RBFOX1: variants seen among roughly 807,000 people sequenced by gnomAD.
The protein encoded by RBFOX1 is RNA binding protein fox-1 homolog 1.
In RBFOX1, 8 loss-of-function variants were observed where a neutral mutation model predicts 57.7. That is an observed-to-expected ratio of 0.14 (90% CI 0.08 to 0.25). RBFOX1 has a LOEUF of 0.25. Ranked by LOEUF, RBFOX1 falls within the 10% of genes least tolerant of loss-of-function variation. The pLI, the probability that RBFOX1 is intolerant of heterozygous loss-of-function variation, is 1.00. For missense variants in RBFOX1, 611 were observed against 548.5 expected (o/e 1.11, Z -1.14); for synonymous variants, 326 against 222.4 (o/e 1.47, Z -4.15).
At chr16:7,070,473 C>T (rs1363716798) in intron 4 of RBFOX1, among the ~76,000 whole-genome samples, 6 of 152,228 alleles carry the variant, frequency 3.9e-5, no homozygotes, top group South Asian at 4.1e-4. Flanking sequence ...GTGTTATTTT[C>T]AGGGGTTGTA....
rs35528338 is a variant in RBFOX1 at position 6,173,604 on chromosome 16, C to CTTTTTTTTTTTTTTTTTTTTTTTT, written c.-126-143368_-126-143367insTTTTTTTTTTTTTTTTTTTTTTTT. Among the ~76,000 whole-genome samples the CTTTTTTTTTTTTTTTTTTTTTTTT allele has an allele frequency of 4.2e-5, 3 of 70,950 alleles. 1 individual carries two copies. The highest frequency in any genetic ancestry group is 7.3e-5 in the Non-Finnish European group (3 of 41,244). The allele number at this position is 70,950 out of a possible 152,430, so 46.5% of individuals were successfully genotyped here. The stretch of plus-strand genomic sequence containing the variant: ...GTATGGAGTGGACACTGACCACTCC[C>CTTTTTTTTTTTTTTTTTTTTTTTT]TTTTTTTTTTTTTTTTTTTTTTTGA... On this transcript the variant is annotated intron_variant, in intron 1 of 15. Coordinates refer to ENST00000550418, the MANE Select transcript of RBFOX1 (RefSeq NM_018723.4).
chr16:6,881,700 C>G (rs1184142954), intron 3 of RBFOX1, among the ~76,000 whole-genome samples: 1 of 152,156 alleles, frequency 6.6e-6, no homozygotes, highest in African/African-American at 2.4e-5. Context: ...AACGTCTTAA[C>G]GTTGAATTTG....
intron 14 of RBFOX1, among the ~76,000 whole-genome samples, chr16:7,702,027 T>C (rs2080902157): frequency 6.6e-6 from 1 of 152,178 alleles, no homozygotes; most frequent in African/African-American, 2.4e-5. Flanking sequence ...TGTACCTGCA[T>C]AGTGCACTGA....
chr16:5,511,149 C>T (rs1183766685), intron 2 of RBFOX1, among the ~76,000 whole-genome samples: 2 of 152,180 alleles, frequency 1.3e-5, no homozygotes, highest in Admixed American at 6.5e-5. Flanking sequence ...TCAGCCTAAG[C>T]CCTGGCCCCT....
At chr16:7,188,914 A>G (rs939465398) in intron 4 of RBFOX1, among the ~76,000 whole-genome samples, 2 of 152,168 alleles carry the variant, frequency 1.3e-5, no homozygotes, top group Admixed American at 6.5e-5. Flanking sequence ...AGGATTGGGG[A>G]AAGTTCTTTG....
At chr16:6,201,463 T>G (rs1239322729) in intron 1 of RBFOX1, among the ~76,000 whole-genome samples, 2 of 152,128 alleles carry the variant, frequency 1.3e-5, no homozygotes, top group African/African-American at 4.8e-5. Flanking sequence ...CTGGCCAGTA[T>G]TCATTATTGG....
At chr16:6,163,379 A>G (rs1206577147) in intron 1 of RBFOX1, among the ~76,000 whole-genome samples, 4 of 152,228 alleles carry the variant, frequency 2.6e-5, no homozygotes, top group Non-Finnish European at 4.4e-5. Context: ...TGGGAATTTC[A>G]TTTTGCACAA....
At chr16:6,732,905 A>G (rs141357445) in intron 3 of RBFOX1, among the ~76,000 whole-genome samples, 199 of 152,308 alleles carry the variant, frequency 1.3e-3, no homozygotes, top group African/African-American at 4.7e-3. Flanking sequence ...CTTGTGTTAT[A>G]TTTCATGACA....
At chr16:5,772,725 G>C (rs1357448536) in intron 3 of RBFOX1, among the ~76,000 whole-genome samples, 1 of 152,174 alleles carries the variant, frequency 6.6e-6, no homozygotes, top group Non-Finnish European at 1.5e-5. Flanking sequence ...GAACAGATCT[G>C]ATTGAGGAGC....
chr16:6,170,961 G>A lies in RBFOX1; in HGVS notation c.-126-146034G>A, dbSNP rs182337918. ...TTGCATAGTATTCCATGGTATATAT[G>A]TACCACATTTTCTGTATCTTGTCTG... On this transcript the variant is annotated intron_variant, in intron 1 of 15. Coordinates refer to ENST00000550418, the MANE Select transcript of RBFOX1 (RefSeq NM_018723.4). 1.2e-3 allele frequency among the ~76,000 whole-genome samples: 179 copies of A among 152,278 alleles called. 1 individual carries two copies. Among genetic ancestry groups the A allele is most frequent in the African/African-American group, 4.0e-3 (166 of 41,554 alleles).
rs1415564805 is a variant in RBFOX1, at chr16:5,241,702, G to A, written c.219+1597G>A. Among the ~76,000 whole-genome samples the A allele has an allele frequency of 3.3e-5, 5 of 152,350 alleles. No homozygotes were observed. In the South Asian group the frequency reaches 6.2e-4, roughly 19 times the overall value. On this transcript the variant is annotated intron_variant, in intron 1 of 2. Transcript: ENST00000585867. Reference sequence around the variant, plus strand: ...AAGCTCGTCCATAGAAGCACTTAGCGTTGTGCCTGGCACATAGTGTATGGT... The same window carrying A: ...AAGCTCGTCCATAGAAGCACTTAGCATTGTGCCTGGCACATAGTGTATGGT...
intron 4 of RBFOX1, among the ~76,000 whole-genome samples, chr16:7,417,627 T>G (rs1427278906): frequency 6.6e-6 from 1 of 152,004 alleles, no homozygotes; most frequent in African/African-American, 2.4e-5. Flanking sequence ...ACATACATCA[T>G]AGCTCCATCA....
intron 4 of RBFOX1, among the ~76,000 whole-genome samples, chr16:7,246,235 C>T (rs1044679936): frequency 6.6e-6 from 1 of 152,062 alleles, no homozygotes; most frequent in Non-Finnish European, 1.5e-5. Context: ...GGAAGGAATC[C>T]TTAGCCTCTC....
At chr16:5,822,595 A>G (rs557177325) in intron 3 of RBFOX1, among the ~76,000 whole-genome samples, 1 of 152,344 alleles carries the variant, frequency 6.6e-6, no homozygotes, top group African/African-American at 2.4e-5. Flanking sequence ...CCACAAAGAA[A>G]TGGTGGGCAA....
chr16:6,712,282 A>G (rs2063845567), intron 3 of RBFOX1, among the ~76,000 whole-genome samples: 1 of 152,166 alleles, frequency 6.6e-6, no homozygotes. Context: ...TCAGTCTACA[A>G]GGTGTTGCAA....
At chr16:6,049,956 GTT>G (rs3048284) in intron 1 of RBFOX1, among the ~76,000 whole-genome samples, 2 of 135,170 alleles carry the variant, frequency 1.5e-5, no homozygotes, top group African/African-American at 5.5e-5. Flanking sequence ...AGCTTAAAAC[GTT>G]TTTTTTTTTT....
At chr16:5,377,704 G>A (rs1037084255) in intron 1 of RBFOX1, among the ~76,000 whole-genome samples, 4 of 151,378 alleles carry the variant, frequency 2.6e-5, no homozygotes, top group African/African-American at 7.4e-5. Context: ...AGGGGAAGGC[G>A]TGCAGCCCAG....
chr16:5,363,511 G>A (rs937753300), intron 1 of RBFOX1, among the ~76,000 whole-genome samples: 2 of 152,080 alleles, frequency 1.3e-5, no homozygotes, highest in African/African-American at 4.8e-5. Context: ...TGGGCTTCAG[G>A]ACTTCCAGGC....
chr16:7,116,483 G>T (rs548376338), intron 4 of RBFOX1, among the ~76,000 whole-genome samples: 3 of 152,196 alleles, frequency 2.0e-5, no homozygotes, highest in Non-Finnish European at 4.4e-5. Context: ...TTGAAATGAG[G>T]CCTCACTTCA....
Sources: allele counts gnomAD v4.1 joint callset (sites outside exome capture counted in the v4.1 genomes callset), GRCh38; gene constraint gnomAD v4.1.1; transcripts MANE v1.5; gene names NCBI Gene and HGNC (gene_info 2026-07-23, HGNC 2026-07-21).